Variants in KLHL4 observed in about 807,000 individuals in gnomAD.
KLHL4 encodes the protein kelch like family member 4.
A neutral mutation model predicts 45.8 loss-of-function variants in KLHL4; 17 were observed. The ratio of observed to expected loss-of-function variants is 0.37; its 90% confidence interval spans 0.25 to 0.56. The LOEUF is 0.56. Among genes scored for constraint, KLHL4 ranks in the 20% least tolerant of loss-of-function variants. The pLI is 0.79. For missense variants in KLHL4, 544 were observed against 544.9 expected (o/e 1.00, Z 0.02); for synonymous variants, 224 against 189.9 (o/e 1.18, Z -1.47).
intron 1 of KLHL4, among the ~76,000 whole-genome samples, chrX:87,604,726 A>T (rs1272904844): frequency 9.0e-6 from 1 of 110,748 alleles, no homozygotes; most frequent in East Asian, 2.9e-4. Context: ...TTATCTTTTC[A>T]TTTTGTTAAT....
At chrX:87,610,594 A>G (rs908583279) in intron 1 of KLHL4, among the ~76,000 whole-genome samples, 4 of 111,991 alleles carry the variant, frequency 3.6e-5, no homozygotes, top group Non-Finnish European at 7.5e-5. Context: ...TTATCAAAAT[A>G]TAATTATTTA....
At chrX:87,620,566 G>A (rs762141408) in intron 4 of KLHL4, among the ~76,000 whole-genome samples, 5 of 111,787 alleles carry the variant, frequency 4.5e-5, no homozygotes, top group South Asian at 3.7e-4. Context: ...TGAGGTGTCC[G>A]TAATATTAAT....
At position 87,664,950 on chromosome X, in the gene KLHL4, A is replaced by T. The variant is rs774685841; in HGVS notation, c.2097+15A>T. 9.6e-7 allele frequency: 1 copy of T among 1,036,522 alleles called. No homozygotes were observed. Among genetic ancestry groups the T allele is most frequent in the Non-Finnish European group, 1.3e-6 (1 of 754,932 alleles). The allele number at this position is 1,036,522 out of a possible 1,213,427, so 85.4% of individuals were successfully genotyped here. ...AATGGAAAGAGGTATTCGAATTAAA[A>T]TATTCAAATTACTATATTTCAGGTT... On this transcript the variant is annotated intron_variant, in intron 10 of 10. Transcript: ENST00000373119.
intron 1 of KLHL4, among the ~76,000 whole-genome samples, chrX:87,522,427 C>G (rs1244800116): frequency 1.8e-5 from 2 of 112,058 alleles, no homozygotes; most frequent in Non-Finnish European, 3.8e-5. Context: ...TTTTCTCCTG[C>G]CCCCAAGGAA....
chrX:87,644,233 C>A (rs1434336596), intron 9 of KLHL4, among the ~76,000 whole-genome samples: 1 of 111,427 alleles, frequency 9.0e-6, no homozygotes, highest in Non-Finnish European at 1.9e-5. Flanking sequence ...GTACACAAAC[C>A]AGTAGCTCTT....
At chrX:87,548,874 A>C (rs73509862) in intron 1 of KLHL4, among the ~76,000 whole-genome samples, 179 of 109,422 alleles carry the variant, frequency 1.6e-3, no homozygotes, top group African/African-American at 5.8e-3. Context: ...AAGATCACAA[A>C]ACAACCAGGA....
chrX:87,572,453 C>T (rs903499606), intron 1 of KLHL4, among the ~76,000 whole-genome samples: 5 of 110,869 alleles, frequency 4.5e-5, no homozygotes, highest in Admixed American at 9.6e-5. Context: ...TGCACTTGTA[C>T]ACATCCAAAT....
chrX:87,646,055 A>T (rs748313987), intron 9 of KLHL4, among the ~76,000 whole-genome samples: 1 of 111,499 alleles, frequency 9.0e-6, no homozygotes, highest in East Asian at 2.8e-4. Flanking sequence ...TATGGAAAAA[A>T]ATTAATATAC....
chrX:87,590,157 A>G (rs1921614791), intron 1 of KLHL4, among the ~76,000 whole-genome samples: 2 of 111,443 alleles, frequency 1.8e-5, no homozygotes, highest in African/African-American at 6.5e-5. Context: ...TTTGTAACTC[A>G]AAGGATAAAT....
At chrX:87,522,287 A>T (rs1017400640) in intron 1 of KLHL4, among the ~76,000 whole-genome samples, 1 of 111,937 alleles carries the variant, frequency 8.9e-6, no homozygotes, top group African/African-American at 3.2e-5. Flanking sequence ...AAGCACGCTC[A>T]ACAGAGAGAG....
chrX:87,556,678 A>AAAAACAAAAC (rs58655413), intron 1 of KLHL4, among the ~76,000 whole-genome samples: 3 of 102,734 alleles, frequency 2.9e-5, no homozygotes, highest in Non-Finnish European at 5.9e-5. Flanking sequence ...GTATAATAAT[A>AAAAACAAAAC]AAAACAAAAC....
chrX:87,659,113 C>CTTTTTTTTTTTTTTTTT (rs1178733729), intron 9 of KLHL4, among the ~76,000 whole-genome samples: 4 of 45,099 alleles, frequency 8.9e-5, no homozygotes, highest in East Asian at 7.2e-4. Context: ...TCTTTTCTTT[C>CTTTTTTTTTTTTTTTTT]TTTTTTTTTT....
chrX:87,644,615 G>A lies in KLHL4; in HGVS notation c.1925+8840G>A, dbSNP rs1031745194. ...ATAGCCAAAGCAAGACTAAGGACAAGAACAAATATGGAGGCATCTCACAGC... is the reference window on the plus strand; with the variant it reads ...ATAGCCAAAGCAAGACTAAGGACAAAAACAAATATGGAGGCATCTCACAGC... On this transcript the variant is annotated intron_variant, in intron 9 of 10. Transcript: ENST00000373119. 5.4e-5 allele frequency among the ~76,000 whole-genome samples: 6 copies of A among 111,396 alleles called. No individual in the cohort carries two copies. In the Admixed American group the frequency reaches 5.7e-4, roughly 11 times the overall value.
intron 1 of KLHL4, among the ~76,000 whole-genome samples, chrX:87,569,930 T>C (rs1350180825): frequency 9.0e-6 from 1 of 111,430 alleles, no homozygotes; most frequent in Non-Finnish European, 1.9e-5. Flanking sequence ...GTGACTTTCC[T>C]AAAAGCCATT....
At chrX:87,663,989 C>T (rs940150601) in intron 9 of KLHL4, among the ~76,000 whole-genome samples, 3 of 111,401 alleles carry the variant, frequency 2.7e-5, no homozygotes, top group African/African-American at 9.8e-5. Context: ...AATATAAAGT[C>T]AGGGAGCATT....
intron 1 of KLHL4, among the ~76,000 whole-genome samples, chrX:87,528,407 A>C (rs775214481): frequency 9.0e-6 from 1 of 111,089 alleles, no homozygotes; most frequent in Non-Finnish European, 1.9e-5. Flanking sequence ...CCATTAAATA[A>C]AGAAACTCAC....
intron 1 of KLHL4, among the ~76,000 whole-genome samples, chrX:87,541,472 CAGAG>C (rs200626625): frequency 0.22 from 17,196 of 76,854 alleles, 2,153 homozygotes; most frequent in East Asian, 0.53. Flanking sequence ...GCCTGGGTGA[CAGAG>C]AGAGACTCCA....
chrX:87,602,726 A>C (rs1367097539), intron 1 of KLHL4, among the ~76,000 whole-genome samples: 5 of 111,596 alleles, frequency 4.5e-5, no homozygotes, highest in African/African-American at 1.6e-4. Flanking sequence ...GTGTCTGTAT[A>C]TATAGTGTAT....
chrX:87,588,815 G>GAGAGGA (rs759483059), intron 1 of KLHL4, among the ~76,000 whole-genome samples: 3 of 109,517 alleles, frequency 2.7e-5, no homozygotes, highest in East Asian at 2.9e-4. Context: ...GAAGGAGAAG[G>GAGAGGA]AGAGGAAGAG....
Sources: allele counts gnomAD v4.1 joint callset (sites outside exome capture counted in the v4.1 genomes callset), GRCh38; gene constraint gnomAD v4.1.1; transcripts MANE v1.5; gene names NCBI Gene and HGNC (gene_info 2026-07-23, HGNC 2026-07-21).